The following AJUBA variants were observed in gnomAD, a reference collection of about 807,000 sequenced individuals.
AJUBA encodes the protein ajuba LIM protein.
Under a neutral mutation model 53.3 loss-of-function variants are expected in AJUBA, and 20 were observed. The observed-to-expected ratio is 0.38, with a 90% CI of 0.26 to 0.55. The LOEUF is 0.55. Among genes scored for constraint, AJUBA ranks in the 20% least tolerant of loss-of-function variants. The pLI is 0.80. For missense variants in AJUBA, 580 were observed against 730.5 expected, an observed-to-expected ratio of 0.79 and a Z score of 2.38; for synonymous variants, 296 against 306.2, an observed-to-expected ratio of 0.97 and a Z score of 0.35.
intron 1 of AJUBA, chr14:22,980,661 C>G (rs969570591): frequency 2.0e-6 from 2 of 985,234 alleles, no homozygotes; most frequent in Non-Finnish European, 2.4e-6. Flanking sequence ...CATCCTGTCT[C>G]CCAGGCTCCA....
chr14:22,978,404 T>C lies in AJUBA; in HGVS notation c.1048A>G (p.Asn350Asp). The C allele has an allele frequency of 6.2e-7, 1 of 1,613,926 alleles. No individual in the cohort carries two copies. Among genetic ancestry groups the C allele is most frequent in the Non-Finnish European group, 8.5e-7 (1 of 1,179,812 alleles). The change falls in exon 2 of 8, where the codon AAT (asparagine) becomes GAT (aspartate). Residue 350 changes from asparagine (N) to aspartate (D), a missense_variant. Transcript: ENST00000262713. ...AGGCTGTCCAGGGCCTGGCAGGCATTGCTCTGCCCATAGATGCCTTTGTTG... is the reference window on the plus strand; with the variant it reads ...AGGCTGTCCAGGGCCTGGCAGGCATCGCTCTGCCCATAGATGCCTTTGTTG... ...KCNKGIYGQS[N>D]ACQALDSLYH... is the part of the protein sequence containing the mutation.
At position 22,981,978 on chromosome 14, in the gene AJUBA, G is replaced by C; in HGVS notation, c.289C>G (p.Arg97Gly). 2.5e-6 allele frequency: 4 copies of C among 1,578,116 alleles called. No individual in the cohort carries two copies. Among genetic ancestry groups the C allele is most frequent in the Admixed American group, 2.0e-5 (1 of 51,246 alleles). Residue 97 changes from arginine (R) to glycine (G), a missense_variant, in exon 1 of 8, where the codon CGG becomes GGG. Physicochemically the swap from Arg to Gly is moderately radical, Grantham distance 125. Coordinates refer to ENST00000262713, the MANE Select transcript of AJUBA (RefSeq NM_032876.6). ...AACGACTGAGGTAGAGGCAAGGCCC[G>C]GGTGGGCGGCGGCCCCGCGGGAAAA... ...GSFPAGPPPT[R>G]ALPLPQSLPP...
At chr14:22,980,625 G>A (rs1415821930) in intron 1 of AJUBA, 1 of 985,350 alleles carries the variant, frequency 1.0e-6, no homozygotes, top group African/African-American at 1.7e-5. Context: ...ACTGGGGAGG[G>A]ACAGCAGTTG....
intron 4 of AJUBA, among the ~76,000 whole-genome samples, chr14:22,976,027 G>C (rs2045032682): frequency 6.6e-6 from 1 of 151,846 alleles, no homozygotes; most frequent in Non-Finnish European, 1.5e-5. Flanking sequence ...GCCAGGCATG[G>C]TGGCGCATGC....
At position 22,975,847 on chromosome 14, in the gene AJUBA, C is replaced by CAA. The variant is rs112005383; in HGVS notation, c.1239+607_1239+608dup. 7.5e-3 allele frequency: 789 copies of CAA among 104,888 alleles called. 9 individuals carry two copies. The highest frequency in any genetic ancestry group is 0.029 in the African/African-American group (741 of 25,322). 6.5% of individuals were successfully genotyped at this position (104,888 alleles called of 1,614,324 possible). On this transcript the variant is annotated intron_variant, in intron 4 of 7. Transcript: ENST00000262713. Reference sequence around the variant, plus strand: ...TGGGCAACAGAGTGAGACTCCATCTCAAAAAAAAAAAAAAGAAGACGACTC... The same window carrying CAA: ...TGGGCAACAGAGTGAGACTCCATCTCAAAAAAAAAAAAAAAAGAAGACGACTC...
At chr14:22,974,474 C>T (rs1368522502) in intron 6 of AJUBA, among the ~76,000 whole-genome samples, 2 of 152,182 alleles carry the variant, frequency 1.3e-5, no homozygotes, top group Non-Finnish European at 2.9e-5. Context: ...GGTTTCTCTC[C>T]ATAGGCACAT....
At chr14:22,974,168 A>C in intron 6 of AJUBA, 53 bp from the exon 7 acceptor site, 1 of 1,595,162 alleles carries the variant, frequency 6.3e-7, no homozygotes, top group East Asian at 2.2e-5. Context: ...CCTCACCTCC[A>C]CCTTTCCCTC....
chr14:22,973,560 C>T lies in AJUBA; in HGVS notation c.1500G>A (p.Arg500=), dbSNP rs780153856. The T allele has an allele frequency of 1.2e-5, 19 of 1,614,020 alleles. No individual in the cohort carries two copies. The African/African-American group carries it at 2.5e-4, about 22-fold the overall frequency. Residue 500 remains arginine (R), a synonymous_variant, in exon 8 of 8, where the codon CGG becomes CGA. Coordinates refer to ENST00000262713, the MANE Select transcript of AJUBA (RefSeq NM_032876.6). ...HFECYHCEDC[R]MQLSDEEGCC... is the part of the protein sequence containing the mutation. ...AGCCTTCCTCATCACTCAGCTGCAT[C>T]CGGCAGTCCTAGGGAAGAAGGCACC...
Position 22,981,422 on chromosome 14 carries a change from G to A in AJUBA, c.845C>T (p.Ala282Val). ...VGARYQDELT[A>V]LLRLTVGTGG... The stretch of plus-strand genomic sequence containing the variant: ...GGTGCCCACCGTCAGGCGAAGCAAA[G>A]CTGTTAGCTCGTCCTGGTACCGGGC... The change falls in exon 1 of 8, where the codon GCT (alanine) becomes GTT (valine). Residue 282 changes from alanine to valine, a missense_variant. By Grantham distance (64) the Ala-to-Val change is moderately conservative. Transcript: ENST00000262713. The A allele has an allele frequency of 6.2e-7, 1 of 1,612,230 alleles. No individual in the cohort carries two copies. The highest frequency in any genetic ancestry group is 1.1e-5 in the South Asian group (1 of 90,962).
At chr14:22,976,054 T>C (rs2045032896) in intron 4 of AJUBA, among the ~76,000 whole-genome samples, 1 of 150,872 alleles carries the variant, frequency 6.6e-6, no homozygotes, top group Non-Finnish European at 1.5e-5. Context: ...TCCTAGCTAC[T>C]TGGGAGGCTG....
intron 7 of AJUBA, among the ~76,000 whole-genome samples, chr14:22,973,795 CAAG>C (rs1396812984): frequency 6.6e-6 from 1 of 152,188 alleles, no homozygotes; most frequent in Non-Finnish European, 1.5e-5. Context: ...GCCTGTCTTT[CAAG>C]AAGTTTGACC....
At chr14:22,974,264 T>C in intron 6 of AJUBA, 149 bp from the exon 7 acceptor site, 1 of 820,834 alleles carries the variant, frequency 1.2e-6, no homozygotes. Context: ...AAGATGCTTC[T>C]GCAAATCCTA....
At position 22,976,437 on chromosome 14, in the gene AJUBA, C is replaced by G. The variant is rs1446147665; in HGVS notation, c.1239+19G>C. ...TCAGCCTCACAGTGAGACTTCTCAG[C>G]TGAAAGCACTTTACTTACCTTCTCC... is the stretch of plus-strand genomic sequence containing the variant. On this transcript the variant is annotated intron_variant, in intron 4 of 7. Coordinates refer to ENST00000262713, the MANE Select transcript of AJUBA (RefSeq NM_032876.6). 5.6e-6 allele frequency: 9 copies of G among 1,613,676 alleles called. No homozygotes were observed.
chr14:22,973,688 A>T, intron 7 of AJUBA, 120 bp from the exon 8 acceptor site: 3 of 1,401,160 alleles, frequency 2.1e-6, no homozygotes, highest in Non-Finnish European at 2.9e-6. Flanking sequence ...ATGGGGTGGG[A>T]AGGGAAGGAT....
intron 3 of AJUBA, 33 bp from the exon 4 acceptor site, chr14:22,976,551 T>C (rs2045038549): frequency 5.0e-6 from 8 of 1,613,854 alleles, no homozygotes; most frequent in Non-Finnish European, 6.8e-6. Flanking sequence ...CGGAGGCTGT[T>C]ATCAAACTGA....
chr14:22,974,170 C>A (rs1454653498), intron 6 of AJUBA, 55 bp from the exon 7 acceptor site: 1 of 1,587,532 alleles, frequency 6.3e-7, no homozygotes, highest in East Asian at 2.2e-5. Flanking sequence ...TCACCTCCAC[C>A]TTTCCCTCAT....
rs1375156820 is a variant in AJUBA at position 22,982,039 on chromosome 14, C to T, written c.228G>A (p.Gln76=). The part of the protein sequence containing the change: ...EQGSLDAERN[Q]RGSFEAPRYE... ...AGCGCGGCGCCTCAAAGGAGCCGCG[C>T]TGATTTCGCTCAGCGTCCAGGGAAC... is the stretch of plus-strand genomic sequence containing the variant. The change falls in exon 1 of 8, where the codon CAG becomes CAA. Residue 76 remains glutamine (Q), a synonymous_variant. Coordinates refer to ENST00000262713, the MANE Select transcript of AJUBA (RefSeq NM_032876.6). 5 of 1,591,326 alleles carry T rather than the reference C, an allele frequency of 3.1e-6. No homozygotes were observed. The highest frequency in any genetic ancestry group is 2.7e-5 in the African/African-American group (2 of 73,260).
intron 1 of AJUBA, 81 bp downstream of exon 1, chr14:22,981,180 G>T: frequency 6.7e-7 from 1 of 1,490,248 alleles, no homozygotes; most frequent in Non-Finnish European, 9.0e-7. Flanking sequence ...CCGGGGCACC[G>T]GCACTTTGGG....
Position 22,972,330 on chromosome 14 carries a change from TAAGA to T in AJUBA, c.*1109_*1112del, listed in dbSNP as rs200794414. The T allele has an allele frequency of 1.8e-5, 2 of 109,496 alleles. No individual in the cohort carries two copies. Among genetic ancestry groups the T allele is most frequent in the Non-Finnish European group, 3.7e-5 (2 of 54,242 alleles). 6.8% of individuals were successfully genotyped at this position (109,496 alleles called of 1,614,324 possible). A position where few individuals can be genotyped will look rare whatever the true frequency, so the allele number is the denominator to read the frequency against. ...GTGTACAAGTGACCTGAGAAGAGAGTAAGAAAGAGTGAGAGAGAGACAGAGAGAC... is the reference window on the plus strand; with the variant it reads ...GTGTACAAGTGACCTGAGAAGAGAGTAAGAGTGAGAGAGAGACAGAGAGAC... On this transcript the variant is annotated 3_prime_UTR_variant, in exon 8 of 8. Coordinates refer to ENST00000262713, the MANE Select transcript of AJUBA (RefSeq NM_032876.6).
Sources: allele counts gnomAD v4.1 joint callset (sites outside exome capture counted in the v4.1 genomes callset), GRCh38; gene constraint gnomAD v4.1.1; transcripts MANE v1.5; gene names NCBI Gene and HGNC (gene_info 2026-07-23, HGNC 2026-07-21).